Variants in JKAMP observed in about 807,000 individuals in gnomAD.
The protein encoded by JKAMP is JNK1/MAPK8 associated membrane protein.
JKAMP carries 20 observed loss-of-function variants against 40.2 expected under a neutral mutation model. The observed-to-expected ratio is 0.50, with a 90% CI of 0.35 to 0.72. The LOEUF is 0.72. Among genes scored for constraint, JKAMP ranks in the 30% least tolerant of loss-of-function variants. The pLI is 0.01. For missense variants in JKAMP, 276 were observed against 373.0 expected, an observed-to-expected ratio of 0.74 and a Z score of 2.14; for synonymous variants, 138 against 131.6, an observed-to-expected ratio of 1.05 and a Z score of -0.33.
chr14:59,504,156 C>T lies in JKAMP; in HGVS notation c.*84C>T. ...ATCTTAACAGTGTATGAGAACTATT[C>T]TATCATATATGGGAACAAGATTGTC... On this transcript the variant is annotated 3_prime_UTR_variant, in exon 7 of 7. Transcript: ENST00000616435. 2.6e-6 allele frequency: 2 copies of T among 769,668 alleles called. No individual in the cohort carries two copies. The highest frequency in any genetic ancestry group is 2.2e-6 in the Non-Finnish European group (1 of 459,822). The allele number at this position is 769,668 out of a possible 1,614,324, so 47.7% of individuals were successfully genotyped here.
intron 5 of JKAMP, 165 bp from the exon 6 acceptor site, chr14:59,501,026 C>G (rs898467560): frequency 3.6e-6 from 2 of 561,842 alleles, no homozygotes; most frequent in African/African-American, 1.9e-5. Flanking sequence ...TTGCCCTTTC[C>G]AGAAAAAGCT....
In JKAMP at chr14:59,505,002, A is replaced by T. The variant is rs879858043; in HGVS notation, c.*930A>T. On this transcript the variant is annotated 3_prime_UTR_variant, in exon 7 of 7. Coordinates refer to ENST00000616435, the MANE Select transcript of JKAMP (RefSeq NM_016475.5). ...TTATGCTTTGAAGGCCTTAAGACTC[A>T]TGGTTGCAACCATGGAAGCAAAATG... 6 of 325,124 alleles carry T rather than the reference A, an allele frequency of 1.8e-5. No individual in the cohort carries two copies. Among genetic ancestry groups the T allele is most frequent in the Admixed American group, 1.8e-4 (4 of 22,204 alleles). The allele number at this position is 325,124 out of a possible 1,614,324, so 20.1% of individuals were successfully genotyped here. A position where few individuals can be genotyped will look rare whatever the true frequency, so the allele number is the denominator to read the frequency against.
At chr14:59,503,484 T>C (rs908168614) in intron 6 of JKAMP, among the ~76,000 whole-genome samples, 2 of 152,172 alleles carry the variant, frequency 1.3e-5, no homozygotes, top group East Asian at 3.9e-4. Flanking sequence ...TGTAGATCCA[T>C]AGCAACAGTG....
intron 1 of JKAMP, chr14:59,485,233 T>A: frequency 1.8e-6 from 2 of 1,099,432 alleles, no homozygotes; most frequent in Non-Finnish European, 2.6e-6. Flanking sequence ...CTACTAGATG[T>A]AAAGCCCATA....
intron 6 of JKAMP, among the ~76,000 whole-genome samples, chr14:59,503,432 G>C: frequency 6.6e-6 from 1 of 152,198 alleles, no homozygotes; most frequent in Non-Finnish European, 1.5e-5. Flanking sequence ...AGGAATGTTA[G>C]AGGTTAAGGA....
In JKAMP at chr14:59,505,337, A is replaced by G. The variant is rs1892280931; in HGVS notation, c.*1265A>G. On this transcript the variant is annotated 3_prime_UTR_variant, in exon 7 of 7. Transcript: ENST00000616435. ...TTCTCTGTAGGAATAAAAAATAAATATAAAAATTTTATTTGTATTGCACAC... is the reference window on the plus strand; with the variant it reads ...TTCTCTGTAGGAATAAAAAATAAATGTAAAAATTTTATTTGTATTGCACAC... The G allele has an allele frequency of 7.4e-7, 1 of 1,353,580 alleles. No homozygotes were observed. Among genetic ancestry groups the G allele is most frequent in the East Asian group, 2.5e-5 (1 of 39,642 alleles). The allele number at this position is 1,353,580 out of a possible 1,614,324, so 83.8% of individuals were successfully genotyped here. A position where few individuals can be genotyped will look rare whatever the true frequency, so the allele number is the denominator to read the frequency against.
rs780339397 is a variant in JKAMP, at chr14:59,484,540, T to G, written c.-50T>G. 1.3e-6 allele frequency: 2 copies of G among 1,561,458 alleles called. No homozygotes were observed. The highest frequency in any genetic ancestry group is 4.8e-5 in the East Asian group (2 of 41,708). ...CTGTGGCCCGGATGTTCGGTGCAGC[T>G]GCCAGATCCGCTGATCTAGTGCTTC... On this transcript the variant is annotated 5_prime_UTR_variant, in exon 1 of 7. Coordinates refer to ENST00000616435, the MANE Select transcript of JKAMP (RefSeq NM_016475.5).
In JKAMP at chr14:59,484,593, GGTGAGTGGTC is replaced by G; in HGVS notation, c.4+2_4+11del. 1 of 1,579,140 alleles carries G rather than the reference GGTGAGTGGTC, an allele frequency of 6.3e-7. No homozygotes were observed. Among genetic ancestry groups the G allele is most frequent in the Middle Eastern group, 1.7e-4 (1 of 6,018 alleles). On this transcript the variant is annotated splice_donor_variant and splice_donor_5th_base_variant and intron_variant, in intron 1 of 6. Transcript: ENST00000616435. LOFTEE classifies it high-confidence loss of function. ...GAAAAAAACCTTCAGGCGGCCCATG[GGTGAGTGGTC>G]GCCAAGATCCCGGGAAGCGTTTCTG...
intron 3 of JKAMP, 73 bp from the exon 4 acceptor site, chr14:59,494,945 C>A (rs551535890): frequency 4.9e-6 from 5 of 1,022,952 alleles, no homozygotes; most frequent in African/African-American, 4.7e-5. Flanking sequence ...TATCTTGACA[C>A]ATGTACATGT....
chr14:59,503,208 C>T (rs1012831052), intron 6 of JKAMP, among the ~76,000 whole-genome samples: 2 of 152,124 alleles, frequency 1.3e-5, no homozygotes, highest in Non-Finnish European at 2.9e-5. Context: ...AAAAAGACAG[C>T]TTAGTACTGG....
chr14:59,492,673 A>G (rs941906618), intron 3 of JKAMP, among the ~76,000 whole-genome samples: 1 of 152,234 alleles, frequency 6.6e-6, no homozygotes, highest in Non-Finnish European at 1.5e-5. Context: ...CTTCCAGAGG[A>G]AAAGAGCTAG....
Position 59,495,061 on chromosome 14 carries a change from A to C in JKAMP, c.295A>C (p.Ser99Arg). Residue 99 changes from serine (S) to arginine (R), a missense_variant, in exon 4 of 7, where the codon AGC (serine) becomes CGC (arginine). Physicochemically the swap from Ser to Arg is moderately radical, Grantham distance 110. Coordinates refer to ENST00000616435, the MANE Select transcript of JKAMP (RefSeq NM_016475.5). The stretch of plus-strand genomic sequence containing the variant: ...ACACATCACTGCATTATTTGAATGC[A>C]GCATGGCAGCTATTATCACCTTACT... ...FQHITALFEC[S>R]MAAIITLLVS... The C allele has an allele frequency of 6.2e-7, 1 of 1,613,972 alleles. No individual in the cohort carries two copies. Among genetic ancestry groups the C allele is most frequent in the East Asian group, 2.2e-5 (1 of 44,876 alleles).
intron 1 of JKAMP, 89 bp downstream of exon 1, chr14:59,484,682 C>A (rs1023571201): frequency 1.2e-5 from 18 of 1,472,248 alleles, no homozygotes; most frequent in Admixed American, 4.0e-5. Context: ...TCTTTGTAGG[C>A]GGCCTTCGGT....
intron 3 of JKAMP, among the ~76,000 whole-genome samples, chr14:59,490,067 C>T (rs190297416): frequency 7.2e-4 from 110 of 152,140 alleles, no homozygotes; most frequent in Non-Finnish European, 1.4e-3. Flanking sequence ...GGACTACAGG[C>T]GTGTACCACC....
chr14:59,498,709 C>A lies in JKAMP; in HGVS notation c.459-18C>A. 1 of 1,287,902 alleles carries A rather than the reference C, an allele frequency of 7.8e-7. No homozygotes were observed. Among genetic ancestry groups the A allele is most frequent in the South Asian group, 1.4e-5 (1 of 71,458 alleles). 79.8% of individuals were successfully genotyped at this position (1,287,902 alleles called of 1,614,324 possible). The stretch of plus-strand genomic sequence containing the variant: ...TAAAACATTTTTGATGTTACAAATT[C>A]TTTATTTTATTTTACAGATATACCA... On this transcript the variant is annotated intron_variant, in intron 4 of 6. Transcript: ENST00000616435.
rs531572671 is a variant in JKAMP, at chr14:59,484,918, T to C, written c.4+325T>C. 840 of 1,445,984 alleles carry C rather than the reference T, an allele frequency of 5.8e-4. 3 individuals carry two copies. Among genetic ancestry groups the C allele is most frequent in the East Asian group, 8.6e-4 (35 of 40,696 alleles). 89.6% of individuals were successfully genotyped at this position (1,445,984 alleles called of 1,614,324 possible). A position where few individuals can be genotyped will look rare whatever the true frequency, so the allele number is the denominator to read the frequency against. ...ACTTCGGAATTGAAAACGCGGGTGA[T>C]AGTGCAGAAAAAACAGTAAAGCAGA... On this transcript the variant is annotated intron_variant, in intron 1 of 6. Coordinates refer to ENST00000616435, the MANE Select transcript of JKAMP (RefSeq NM_016475.5).
intron 5 of JKAMP, among the ~76,000 whole-genome samples, 193 bp downstream of exon 5, chr14:59,499,101 G>C (rs1177138860): frequency 8.0e-6 from 1 of 124,298 alleles, no homozygotes; most frequent in African/African-American, 3.2e-5. Context: ...TCGGTTCACT[G>C]CAACCTCCGC....
Position 59,486,731 on chromosome 14 carries a change from C to A in JKAMP, c.23C>A (p.Ala8Glu), listed in dbSNP as rs1244757899. Residue 8 changes from alanine (A) to glutamate (E), a missense_variant, in exon 2 of 7, where the codon GCA (alanine) becomes GAA (glutamate). Transcript: ENST00000616435. ...TAAAAAGCTGTCGATATTCAACCAG[C>A]ATGCCTTGGACTTTATTGTGGGAAG... The part of the protein sequence containing the change: MAVDIQP[A>E]CLGLYCGKTL... 1 of 1,591,140 alleles carries A rather than the reference C, an allele frequency of 6.3e-7. No homozygotes were observed. The highest frequency in any genetic ancestry group is 1.1e-5 in the South Asian group (1 of 87,270).
In JKAMP at chr14:59,504,105, A is replaced by C. The variant is rs1370170518; in HGVS notation, c.*33A>C. The C allele has an allele frequency of 1.5e-6, 2 of 1,306,070 alleles. No homozygotes were observed. The highest frequency in any genetic ancestry group is 1.1e-6 in the Non-Finnish European group (1 of 904,050). The allele number at this position is 1,306,070 out of a possible 1,614,324, so 80.9% of individuals were successfully genotyped here. ...CATGTGAAATGCCAAAAACCTGAGAAGTGCTCCTAATAAAAAAGTAAATCA... is the reference window on the plus strand; with the variant it reads ...CATGTGAAATGCCAAAAACCTGAGACGTGCTCCTAATAAAAAAGTAAATCA... On this transcript the variant is annotated 3_prime_UTR_variant, in exon 7 of 7. Transcript: ENST00000616435.
Sources: allele counts gnomAD v4.1 joint callset (sites outside exome capture counted in the v4.1 genomes callset), GRCh38; gene constraint gnomAD v4.1.1; transcripts MANE v1.5; gene names NCBI Gene and HGNC (gene_info 2026-07-23, HGNC 2026-07-21).